The following PTPRM variants were observed in gnomAD, a reference collection of about 807,000 sequenced individuals.
The protein encoded by PTPRM is receptor-type tyrosine-protein phosphatase mu.
A neutral mutation model predicts 186.7 loss-of-function variants in PTPRM; 47 were observed. The observed-to-expected ratio is 0.25, with a 90% confidence interval of 0.20 to 0.32. The LOEUF (loss-of-function observed/expected upper bound fraction) is 0.32, where lower values mean the gene tolerates loss of function less well. PTPRM is among the 10% of genes least tolerant of loss of function. The probability of loss-of-function intolerance (pLI) is 1.00; values close to 1 mark genes in which losing one functional copy is unlikely to be tolerated. For synonymous variants in PTPRM, 668 were observed against 674.9 expected (o/e 0.99, Z 0.16); for missense variants, 1,494 against 1,865.0 (o/e 0.80, Z 3.66).
rs2091894935 is a variant in PTPRM at position 8,114,831 on chromosome 18, G to A, written c.2167+4G>A. On this transcript the variant is annotated splice_donor_region_variant and intron_variant, in intron 13 of 32. Coordinates refer to ENST00000580170, the MANE Select transcript of PTPRM (RefSeq NM_001105244.2). The stretch of plus-strand genomic sequence containing the variant: ...TGTGTCCAAGTGGCCACAAAAGGTA[G>A]GTTGAAATTGTGGGATATTCTCCTA... 1.2e-6 allele frequency: 2 copies of A among 1,609,184 alleles called. No homozygotes were observed. Among genetic ancestry groups the A allele is most frequent in the East Asian group, 4.5e-5 (2 of 44,676 alleles).
At chr18:8,315,956 A>G (rs1447016088) in intron 21 of PTPRM, among the ~76,000 whole-genome samples, 1 of 152,122 alleles carries the variant, frequency 6.6e-6, no homozygotes, top group Non-Finnish European at 1.5e-5. Flanking sequence ...TCCAGGTTCC[A>G]TTTATTTTTT....
chr18:8,271,937 C>T (rs1260762546), intron 19 of PTPRM, among the ~76,000 whole-genome samples: 5 of 152,026 alleles, frequency 3.3e-5, no homozygotes, highest in South Asian at 2.1e-4. Flanking sequence ...GTTGGCTGAG[C>T]GCAGTGGCTC....
chr18:7,656,880 T>G (rs1384460318), intron 1 of PTPRM, among the ~76,000 whole-genome samples: 1 of 152,086 alleles, frequency 6.6e-6, no homozygotes, highest in East Asian at 1.9e-4. Context: ...AGTAGCAGCT[T>G]TATCTTGTGC....
At chr18:8,401,941 G>A (rs1304481750) in intron 32 of PTPRM, among the ~76,000 whole-genome samples, 3 of 152,358 alleles carry the variant, frequency 2.0e-5, no homozygotes, top group African/African-American at 7.2e-5. Context: ...GATGTGAGGA[G>A]GACCGGGCCA....
chr18:7,816,923 A>G lies in PTPRM; in HGVS notation c.196+42652A>G, dbSNP rs570423201. Among the ~76,000 whole-genome samples the G allele has an allele frequency of 1.1e-4, 17 of 152,194 alleles. No homozygotes were observed. In the South Asian group the frequency reaches 3.1e-3, roughly 28 times the overall value. ...CATAATAACTGAAATTTCATTTGAA[A>G]TGCATCTCTTTGAGAAGAAAACGTC... On this transcript the variant is annotated intron_variant, in intron 2 of 32. Coordinates refer to ENST00000580170, the MANE Select transcript of PTPRM (RefSeq NM_001105244.2).
At chr18:7,645,899 A>G (rs575315554) in intron 1 of PTPRM, among the ~76,000 whole-genome samples, 1 of 152,296 alleles carries the variant, frequency 6.6e-6, no homozygotes, top group African/African-American at 2.4e-5. Context: ...GGGTTTTGTC[A>G]GTCTGCCAGG....
intron 1 of PTPRM, among the ~76,000 whole-genome samples, chr18:7,676,125 CTTA>C (rs1289318412): frequency 1.3e-5 from 2 of 152,130 alleles, no homozygotes; most frequent in Admixed American, 6.5e-5. Context: ...AGACTTGGCT[CTTA>C]TTCTCAAGAA....
intron 2 of PTPRM, among the ~76,000 whole-genome samples, chr18:7,784,826 A>G (rs909176431): frequency 9.9e-5 from 15 of 152,196 alleles, no homozygotes; most frequent in Non-Finnish European, 1.8e-4. Context: ...GCAGTCTTCC[A>G]GGCCATGTAG....
chr18:8,292,023 G>A (rs1331576097), intron 19 of PTPRM, among the ~76,000 whole-genome samples: 1 of 152,184 alleles, frequency 6.6e-6, no homozygotes, highest in African/African-American at 2.4e-5. Context: ...GGCACTGACG[G>A]CAGTGTTCCT....
chr18:7,844,562 G>T (rs1405350718), intron 2 of PTPRM, among the ~76,000 whole-genome samples: 1 of 152,126 alleles, frequency 6.6e-6, no homozygotes, highest in Admixed American at 6.5e-5. Flanking sequence ...CAGAAGGCAT[G>T]CACGAGTCAC....
chr18:7,611,921 G>A (rs2037685103), intron 1 of PTPRM, among the ~76,000 whole-genome samples: 1 of 152,180 alleles, frequency 6.6e-6, no homozygotes, highest in Admixed American at 6.5e-5. Context: ...TTTATCAGCA[G>A]CATGAAAGCA....
intron 2 of PTPRM, among the ~76,000 whole-genome samples, chr18:7,875,469 G>A (rs567962415): frequency 2.6e-5 from 4 of 151,884 alleles, no homozygotes; most frequent in South Asian, 2.1e-4. Flanking sequence ...AACTACAGGC[G>A]TGCACCACCA....
chr18:8,022,155 C>G (rs2085275699), intron 7 of PTPRM, among the ~76,000 whole-genome samples: 3 of 152,114 alleles, frequency 2.0e-5, no homozygotes, highest in African/African-American at 7.2e-5. Context: ...GTCTCTGCCT[C>G]CCTTCATTTT....
intron 7 of PTPRM, among the ~76,000 whole-genome samples, chr18:8,040,014 T>G (rs2086592041): frequency 6.6e-6 from 1 of 152,204 alleles, no homozygotes. Context: ...AAGTTACGGT[T>G]AGACATTTCA....
intron 5 of PTPRM, among the ~76,000 whole-genome samples, chr18:7,929,066 C>T (rs1664994035): frequency 6.6e-6 from 1 of 151,912 alleles, no homozygotes; most frequent in South Asian, 2.1e-4. Context: ...TTGTCTATTT[C>T]CAGATTCTCA....
At chr18:7,720,290 A>G (rs900549139) in intron 1 of PTPRM, among the ~76,000 whole-genome samples, 2 of 152,142 alleles carry the variant, frequency 1.3e-5, no homozygotes, top group Non-Finnish European at 2.9e-5. Flanking sequence ...GTAATGGGGA[A>G]ATTGCTTTTT....
chr18:8,190,656 T>C (rs541014836), intron 14 of PTPRM, among the ~76,000 whole-genome samples: 1 of 152,362 alleles, frequency 6.6e-6, no homozygotes, highest in South Asian at 2.1e-4. Context: ...TGTTTATCTG[T>C]AGTAATTTCA....
intron 2 of PTPRM, among the ~76,000 whole-genome samples, chr18:7,882,884 A>G (rs1047551129): frequency 2.6e-5 from 4 of 152,240 alleles, no homozygotes; most frequent in Admixed American, 6.5e-5. Context: ...GTCACAAACA[A>G]TGATGGAAGA....
intron 1 of PTPRM, among the ~76,000 whole-genome samples, chr18:7,716,515 C>T (rs1203865398): frequency 6.6e-6 from 1 of 152,092 alleles, no homozygotes; most frequent in East Asian, 1.9e-4. Flanking sequence ...AGAGCTTCTG[C>T]ACAACAAAAG....
Sources: gnomAD v4.1 joint callset for allele counts (sites outside exome capture counted in the v4.1 genomes callset) on GRCh38, gnomAD v4.1.1 for gene constraint, MANE v1.5 for transcripts, NCBI Gene and HGNC (gene_info 2026-07-23, HGNC 2026-07-21) for gene names.